Variants in ACBD6 observed in about 807,000 individuals in gnomAD.
The protein encoded by ACBD6 is acyl-CoA binding domain containing 6, also known as acyl-CoA-binding domain-containing protein 6.
Under a neutral mutation model 37.2 loss-of-function variants are expected in ACBD6, and 28 were observed. That is an observed-to-expected ratio of 0.75 (90% CI 0.56 to 1.03). The LOEUF (loss-of-function observed/expected upper bound fraction) is 1.03, where lower values mean the gene tolerates loss of function less well. Ranked by LOEUF, ACBD6 falls within the 50% of genes least tolerant of loss-of-function variation. ACBD6 has a pLI of 0.00. For synonymous variants in ACBD6, 113 were observed against 126.8 expected, an observed-to-expected ratio of 0.89 and a Z score of 0.73; for missense variants, 340 against 337.4, an observed-to-expected ratio of 1.01 and a Z score of -0.06.
intron 7 of ACBD6, among the ~76,000 whole-genome samples, chr1:180,294,821 AGTAGCTGGGACTT>A (rs1329252471): frequency 2.6e-4 from 40 of 151,914 alleles, no homozygotes; most frequent in Non-Finnish European, 4.1e-4. Context: ...CAGCCTCCTG[AGTAGCTGGGACTT>A]ACAGGCTCAA....
chr1:180,394,238 C>G (rs1654176321), intron 6 of ACBD6, among the ~76,000 whole-genome samples: 1 of 152,018 alleles, frequency 6.6e-6, no homozygotes, highest in Admixed American at 6.6e-5. Context: ...GGACTACAGG[C>G]ACCCACCACT....
chr1:180,483,725 T>A (rs953366977), intron 3 of ACBD6, among the ~76,000 whole-genome samples: 1 of 152,216 alleles, frequency 6.6e-6, no homozygotes, highest in Non-Finnish European at 1.5e-5. Context: ...ATCAGTGATA[T>A]CTGGAGAGAG....
intron 3 of ACBD6, among the ~76,000 whole-genome samples, chr1:180,433,501 C>T (rs1190776969): frequency 6.6e-6 from 1 of 152,104 alleles, no homozygotes; most frequent in Non-Finnish European, 1.5e-5. Context: ...TATCCATTCT[C>T]ATCACTTCTT....
At chr1:180,456,903 AT>A (rs1649947408) in intron 3 of ACBD6, among the ~76,000 whole-genome samples, 1 of 152,022 alleles carries the variant, frequency 6.6e-6, no homozygotes, top group Non-Finnish European at 1.5e-5. Flanking sequence ...CTATTTTTAA[AT>A]TTTTTGGTAG....
chr1:180,462,662 G>C (rs1364556082), intron 3 of ACBD6, among the ~76,000 whole-genome samples: 1 of 152,132 alleles, frequency 6.6e-6, no homozygotes, highest in African/African-American at 2.4e-5. Context: ...GACAATATTA[G>C]ATAGATCACT....
At chr1:180,415,832 G>C (rs957888450) in intron 4 of ACBD6, among the ~76,000 whole-genome samples, 1 of 152,068 alleles carries the variant, frequency 6.6e-6, no homozygotes, top group South Asian at 2.1e-4. Context: ...TTTCTATTTT[G>C]TTTAATGTAT....
rs986611942 is a variant in ACBD6, at chr1:180,494,088, A to C, written c.287+1373T>G. ...TCAGGTTTCTCTCTCATAATTAAAAAGTAAATGGTGGGTCAGCCTGTAACC... is the reference window on the plus strand; with the variant it reads ...TCAGGTTTCTCTCTCATAATTAAAACGTAAATGGTGGGTCAGCCTGTAACC... On this transcript the variant is annotated intron_variant, in intron 2 of 7. Coordinates refer to ENST00000367595, the MANE Select transcript of ACBD6 (RefSeq NM_032360.4). Among the ~76,000 whole-genome samples the C allele has an allele frequency of 2.6e-5, 4 of 152,212 alleles. No homozygotes were observed. The South Asian group carries it at 8.3e-4, about 31-fold the overall frequency.
At chr1:180,426,032 G>A (rs1312136946) in intron 4 of ACBD6, among the ~76,000 whole-genome samples, 5 of 152,142 alleles carry the variant, frequency 3.3e-5, no homozygotes, top group African/African-American at 7.2e-5. Context: ...GCATCTCTTT[G>A]AAATTCTACA....
chr1:180,325,323 T>C (rs144135372), intron 6 of ACBD6, among the ~76,000 whole-genome samples: 1 of 152,270 alleles, frequency 6.6e-6, no homozygotes, highest in African/African-American at 2.4e-5. Context: ...GTCTTCAAGC[T>C]CACAAATTCT....
intron 7 of ACBD6, among the ~76,000 whole-genome samples, chr1:180,304,927 A>G (rs1260320019): frequency 6.6e-6 from 1 of 152,178 alleles, no homozygotes; most frequent in African/African-American, 2.4e-5. Context: ...GGTACAGAAC[A>G]GAGCCCTCGG....
At chr1:180,489,333 TA>T (rs1303322414) in intron 3 of ACBD6, among the ~76,000 whole-genome samples, 10 of 148,952 alleles carry the variant, frequency 6.7e-5, no homozygotes, top group Admixed American at 6.7e-5. Context: ...AGTTTAAAAG[TA>T]AAGACAAAAA....
intron 6 of ACBD6, among the ~76,000 whole-genome samples, chr1:180,377,488 T>A (rs943880813): frequency 6.6e-6 from 1 of 152,042 alleles, no homozygotes; most frequent in Admixed American, 6.5e-5. Flanking sequence ...AGGACTAGAG[T>A]AGGGAAAATA....
chr1:180,358,591 C>G (rs1387493135), intron 6 of ACBD6, among the ~76,000 whole-genome samples: 1 of 144,948 alleles, frequency 6.9e-6, no homozygotes, highest in Non-Finnish European at 1.5e-5. Context: ...ATTTTAATAA[C>G]AAAATCAAAT....
At chr1:180,500,828 GTAA>G (rs1174135699) in intron 1 of ACBD6, among the ~76,000 whole-genome samples, 1 of 63,426 alleles carries the variant, frequency 1.6e-5, no homozygotes, top group African/African-American at 5.3e-5. Flanking sequence ...CAGACCCTCT[GTAA>G]AAAAAAAAAA....
In ACBD6 at chr1:180,454,848, A is replaced by T. The variant is rs535361506; in HGVS notation, c.385-24586T>A. Among the ~76,000 whole-genome samples the T allele has an allele frequency of 2.0e-5, 3 of 152,368 alleles. No individual in the cohort carries two copies. In the East Asian group the frequency reaches 5.8e-4, roughly 29 times the overall value. ...CCATCTCACACCAGTTAGAATGGTG[A>T]TCATTAAAAAGTCAGGAAACTACAG... On this transcript the variant is annotated intron_variant, in intron 3 of 7. Coordinates refer to ENST00000367595, the MANE Select transcript of ACBD6 (RefSeq NM_032360.4).
intron 4 of ACBD6, among the ~76,000 whole-genome samples, chr1:180,416,931 C>T (rs1157443672): frequency 1.3e-5 from 2 of 152,116 alleles, no homozygotes; most frequent in Non-Finnish European, 2.9e-5. Context: ...ATTTAATAGG[C>T]ACATTCAACA....
In ACBD6 at chr1:180,406,350, A is replaced by C. The variant is rs537109019; in HGVS notation, c.573+7016T>G. 2.0e-5 allele frequency among the ~76,000 whole-genome samples: 3 copies of C among 152,308 alleles called. No individual in the cohort carries two copies. In the East Asian group the frequency reaches 5.8e-4, roughly 29 times the overall value. On this transcript the variant is annotated intron_variant, in intron 5 of 7. Transcript: ENST00000367595. ...AAAGAACATTTCCTTGGAGTGTCACACTGTTGCTAAAAAGTTTCAGATTTT... is the reference window on the plus strand; with the variant it reads ...AAAGAACATTTCCTTGGAGTGTCACCCTGTTGCTAAAAAGTTTCAGATTTT...
intron 3 of ACBD6, among the ~76,000 whole-genome samples, chr1:180,464,280 T>C (rs1378965721): frequency 6.6e-6 from 1 of 152,184 alleles, no homozygotes. Context: ...ATTCCATATC[T>C]AGAAAACCCC....
intron 3 of ACBD6, among the ~76,000 whole-genome samples, chr1:180,445,744 G>GT (rs1649446662): frequency 6.6e-6 from 1 of 151,666 alleles, no homozygotes; most frequent in Admixed American, 6.6e-5. Flanking sequence ...AGACAACATG[G>GT]TGAGACCCTG....
Sources: gnomAD v4.1 joint callset for allele counts (sites outside exome capture counted in the v4.1 genomes callset) on GRCh38, gnomAD v4.1.1 for gene constraint, MANE v1.5 for transcripts, NCBI Gene and HGNC (gene_info 2026-07-23, HGNC 2026-07-21) for gene names.